Variants in SOX5 observed in about 807,000 individuals in gnomAD.
SOX5 encodes transcription factor SOX-5.
In SOX5, 9 loss-of-function variants were observed where a neutral mutation model predicts 92.0. That is an observed-to-expected ratio of 0.10 (90% CI 0.06 to 0.17). The LOEUF (loss-of-function observed/expected upper bound fraction) is 0.17. Ranked by LOEUF, SOX5 falls within the 10% of genes least tolerant of loss-of-function variation. The pLI is 1.00. For synonymous variants in SOX5, 344 were observed against 336.3 expected (o/e 1.02, Z -0.25); for missense variants, 642 against 944.5 (o/e 0.68, Z 4.20).
At chr12:24,395,464 T>C (rs1959683549) in intron 1 of SOX5, among the ~76,000 whole-genome samples, 1 of 152,186 alleles carries the variant, frequency 6.6e-6, no homozygotes, top group Non-Finnish European at 1.5e-5. Context: ...TGGCTGCAAG[T>C]ATATGAGCAA....
intron 1 of SOX5, among the ~76,000 whole-genome samples, chr12:24,441,970 A>C (rs560931464): frequency 3.3e-5 from 5 of 152,352 alleles, no homozygotes; most frequent in Admixed American, 3.3e-4. Context: ...TGTGGATTTA[A>C]GGAGGTAGGA....
rs186924352 is a variant in SOX5, at chr12:23,733,246, C to T, written c.810+1438G>A. Reference sequence around the variant, plus strand: ...TTGCAGTAAAATCAAGTGACTACCACATTGCTGATTATGGAATTACCTTAC... The same window carrying T: ...TTGCAGTAAAATCAAGTGACTACCATATTGCTGATTATGGAATTACCTTAC... On this transcript the variant is annotated intron_variant, in intron 6 of 14. Transcript: ENST00000451604. Among the ~76,000 whole-genome samples, 40 of 152,288 alleles carry T rather than the reference C, an allele frequency of 2.6e-4. No individual in the cohort carries two copies. In the East Asian group the frequency reaches 7.5e-3, roughly 29 times the overall value.
Position 24,506,784 on chromosome 12 carries a change from C to CTTTTTTTTTTTTTTTTTTTTTTTTTTTTT in SOX5, c.-251+55544_-251+55545insAAAAAAAAAAAAAAAAAAAAAAAAAAAAA, listed in dbSNP as rs386375924. 3.2e-4 allele frequency among the ~76,000 whole-genome samples: 26 copies of CTTTTTTTTTTTTTTTTTTTTTTTTTTTTT among 81,770 alleles called. 1 individual carries two copies. Among genetic ancestry groups the CTTTTTTTTTTTTTTTTTTTTTTTTTTTTT allele is most frequent in the East Asian group, 4.8e-4 (1 of 2,076 alleles). The allele number at this position is 81,770 out of a possible 152,430, so 53.6% of individuals were successfully genotyped here. On this transcript the variant is annotated intron_variant, in intron 1 of 4. Transcript: ENST00000446891. The stretch of plus-strand genomic sequence containing the variant: ...CTGTATTTCATGGTATCCAAATGGT[C>CTTTTTTTTTTTTTTTTTTTTTTTTTTTTT]TTTTTTTTTTTTTTTTTTTTTTGGA...
intron 5 of SOX5, among the ~76,000 whole-genome samples, chr12:23,739,994 T>G (rs1019036899): frequency 7.9e-5 from 12 of 152,192 alleles, no homozygotes; most frequent in Non-Finnish European, 1.5e-4. Flanking sequence ...GCCTCAATAA[T>G]TAGTTAGTAC....
chr12:23,708,415 A>G (rs11047056), intron 6 of SOX5, among the ~76,000 whole-genome samples: 14,966 of 152,224 alleles, frequency 0.098, 844 homozygotes, highest in Non-Finnish European at 0.12. Flanking sequence ...AAAAGGAAAT[A>G]ATAGAAAATA....
intron 1 of SOX5, among the ~76,000 whole-genome samples, chr12:24,399,636 G>GC (rs1386588772): frequency 6.6e-6 from 1 of 152,126 alleles, no homozygotes; most frequent in Non-Finnish European, 1.5e-5. Context: ...AACAATTGTT[G>GC]AGAAGAACGC....
chr12:24,545,937 A>G (rs577472766), intron 1 of SOX5, among the ~76,000 whole-genome samples: 45 of 152,304 alleles, frequency 3.0e-4, no homozygotes, highest in African/African-American at 1.0e-3. Context: ...GCTGCATCAC[A>G]GTCAACATCT....
intron 3 of SOX5, among the ~76,000 whole-genome samples, chr12:23,786,254 A>G (rs1200136207): frequency 1.3e-5 from 2 of 152,046 alleles, no homozygotes; most frequent in African/African-American, 4.8e-5. Context: ...TACAAATATT[A>G]AAAAACAAAT....
At chr12:24,348,840 C>G (rs1254045346) in intron 2 of SOX5, among the ~76,000 whole-genome samples, 2 of 152,066 alleles carry the variant, frequency 1.3e-5, no homozygotes, top group Non-Finnish European at 2.9e-5. Context: ...GATAGTAAGT[C>G]TCATGAGATC....
intron 9 of SOX5, among the ~76,000 whole-genome samples, chr12:23,578,560 A>C (rs1949595085): frequency 6.6e-6 from 1 of 152,140 alleles, no homozygotes; most frequent in Non-Finnish European, 1.5e-5. Flanking sequence ...AAAATATGTA[A>C]TATTACCTCA....
At chr12:24,458,799 A>C (rs1943303269) in intron 1 of SOX5, among the ~76,000 whole-genome samples, 1 of 152,116 alleles carries the variant, frequency 6.6e-6, no homozygotes, top group Non-Finnish European at 1.5e-5. Context: ...CACTTCTCTA[A>C]ATCATTTAGA....
intron 1 of SOX5, among the ~76,000 whole-genome samples, chr12:24,518,198 A>C (rs536739945): frequency 7.9e-5 from 12 of 151,760 alleles, no homozygotes; most frequent in Non-Finnish European, 1.5e-4. Flanking sequence ...CCTCCCGAGT[A>C]GCTGGGGTTA....
At chr12:24,148,688 T>TAAAAAA (rs398018872) in intron 4 of SOX5, among the ~76,000 whole-genome samples, 14 of 70,926 alleles carry the variant, frequency 2.0e-4, no homozygotes, top group African/African-American at 6.9e-4. Context: ...CCATCTCTAC[T>TAAAAAA]AAAAAAAAAA....
intron 6 of SOX5, among the ~76,000 whole-genome samples, chr12:23,671,986 C>A (rs1008646712): frequency 6.6e-6 from 1 of 151,306 alleles, no homozygotes. Context: ...CTTTGCCAAG[C>A]AAAGTGGCTT....
intron 4 of SOX5, among the ~76,000 whole-genome samples, chr12:24,005,290 T>G (rs550840962): frequency 1.1e-3 from 173 of 152,268 alleles, no homozygotes; most frequent in Middle Eastern, 0.01. Flanking sequence ...GAAACATGAC[T>G]GATCTTTAAG....
rs540561628 is a variant in SOX5 at position 23,944,475 on chromosome 12, A to G, written c.38+5089T>C. 4 of 152,330 alleles carry G rather than the reference A, an allele frequency of 2.6e-5. No homozygotes were observed. The East Asian group carries it at 7.7e-4, about 29-fold the overall frequency. The allele number at this position is 152,330 out of a possible 1,614,324, so 9.4% of individuals were successfully genotyped here. ...AAGAATAGACAACACTAAAAGAAAG[A>G]AAGAACAGCTTCCAAACTGCAGGAG... On this transcript the variant is annotated intron_variant, in intron 1 of 14. Coordinates refer to ENST00000451604, the MANE Select transcript of SOX5 (RefSeq NM_006940.6).
At chr12:24,132,409 A>C (rs560293213) in intron 4 of SOX5, among the ~76,000 whole-genome samples, 1 of 152,294 alleles carries the variant, frequency 6.6e-6, no homozygotes, top group East Asian at 1.9e-4. Flanking sequence ...TTAGGAAAAC[A>C]ATGTGGTATC....
At chr12:24,211,185 T>C (rs912894749) in intron 4 of SOX5, among the ~76,000 whole-genome samples, 1 of 152,214 alleles carries the variant, frequency 6.6e-6, no homozygotes, top group Non-Finnish European at 1.5e-5. Flanking sequence ...CATTTTGAAA[T>C]TGTTCTCTTA....
intron 4 of SOX5, among the ~76,000 whole-genome samples, chr12:24,201,054 G>A (rs11047312): frequency 0.18 from 26,822 of 152,032 alleles, 3,119 homozygotes; most frequent in African/African-American, 0.34. Flanking sequence ...TCATAACATG[G>A]TCAATAGGAA....
Sources: allele counts gnomAD v4.1 joint callset (sites outside exome capture counted in the v4.1 genomes callset), GRCh38; gene constraint gnomAD v4.1.1; transcripts MANE v1.5; gene names NCBI Gene and HGNC (gene_info 2026-07-23, HGNC 2026-07-21).